Variants in PITRM1 observed in about 807,000 individuals in gnomAD.
PITRM1 encodes the protein pitrilysin metallopeptidase 1.
Under a neutral mutation model 129.9 loss-of-function variants are expected in PITRM1, and 100 were observed. That is an observed-to-expected ratio of 0.77 (90% confidence interval 0.65 to 0.91). The LOEUF (loss-of-function observed/expected upper bound fraction) is 0.91. Among genes scored for constraint, PITRM1 ranks in the 40% least tolerant of loss-of-function variants. PITRM1 has a pLI of 0.00. For missense variants in PITRM1, 1,471 were observed against 1,318.3 expected, an observed-to-expected ratio of 1.12 and a Z score of -1.79; for synonymous variants, 591 against 508.8, an observed-to-expected ratio of 1.16 and a Z score of -2.17.
At position 3,143,448 on chromosome 10, in the gene PITRM1, C is replaced by T. The variant is rs765340716; in HGVS notation, c.2586G>A (p.Pro862=). The change falls in exon 23 of 27, where the codon CCG becomes CCA. Residue 862 remains proline, a synonymous_variant. Coordinates refer to ENST00000224949, the MANE Select transcript of PITRM1 (RefSeq NM_014889.4). ...GGATGCATTCACCCACGTAATTCAC[C>T]GGGAAGGGCATCAGGAAGTGAGTCT... ...QMKTHFLMPF[P]VNYVGECIRT... is the part of the protein sequence containing the mutation. 2.5e-5 allele frequency: 40 copies of T among 1,613,728 alleles called. No homozygotes were observed. Among genetic ancestry groups the T allele is most frequent in the South Asian group, 8.8e-5 (8 of 91,088 alleles).
At chr10:3,163,625 G>T in intron 7 of PITRM1, 100 bp downstream of exon 7, 2 of 991,102 alleles carry the variant, frequency 2.0e-6, no homozygotes, top group Non-Finnish European at 3.0e-6. Flanking sequence ...TATTTCTTAA[G>T]CATTGCTAAA....
At position 3,166,360 on chromosome 10, in the gene PITRM1, G is replaced by A. The variant is rs779910056; in HGVS notation, c.287C>T (p.Pro96Leu). The change falls in exon 4 of 27, where the codon CCC (proline) becomes CTC (leucine). Residue 96 changes from proline to leucine, a missense_variant. Pro to Leu is a moderately conservative substitution (Grantham distance 98). Transcript: ENST00000224949. ...GTGAGGAACACCAGTACTGTCCATG[G>A]GAGTAGTACGGAACTGCACGCTAGG... ...NLFSVQFRTT[P>L]MDSTGVPHIL... The A allele has an allele frequency of 6.2e-7, 1 of 1,611,760 alleles. No homozygotes were observed. Among genetic ancestry groups the A allele is most frequent in the East Asian group, 2.2e-5 (1 of 44,854 alleles).
chr10:3,143,837 A>G (rs1840536816), intron 22 of PITRM1: 2 of 563,266 alleles, frequency 3.6e-6, no homozygotes, highest in South Asian at 3.1e-5. Flanking sequence ...TTTATATTTC[A>G]TATCATATTA....
At chr10:3,159,612 C>T (rs1842273115) in intron 9 of PITRM1, among the ~76,000 whole-genome samples, 1 of 152,200 alleles carries the variant, frequency 6.6e-6, no homozygotes, top group African/African-American at 2.4e-5. Flanking sequence ...CTTTGAAATA[C>T]AATAAGTAAA....
At chr10:3,144,209 G>C (rs1406487923) in intron 22 of PITRM1, 83 bp downstream of exon 22, 36 of 775,650 alleles carry the variant, frequency 4.6e-5, no homozygotes, top group East Asian at 3.5e-4. Flanking sequence ...GGCGGACGGA[G>C]GAACATTCGA....
chr10:3,148,455 C>T (rs926097166), intron 16 of PITRM1, 164 bp from the exon 17 acceptor site: 11 of 816,546 alleles, frequency 1.3e-5, no homozygotes, highest in East Asian at 2.7e-5. Context: ...CTCTGGCCTT[C>T]GCCCTCGAGA....
At chr10:3,138,719 G>C in intron 25 of PITRM1, 185 bp downstream of exon 25, 1 of 737,704 alleles carries the variant, frequency 1.4e-6, no homozygotes. Context: ...CAAATGACAG[G>C]ATGCACTCTT....
At chr10:3,153,402 A>G (rs1286498452) in intron 14 of PITRM1, among the ~76,000 whole-genome samples, 6 of 152,172 alleles carry the variant, frequency 3.9e-5, no homozygotes, top group African/African-American at 1.2e-4. Context: ...ATAAGGGGGG[A>G]AAAAGAGTAA....
At chr10:3,155,961 G>A (rs565192415) in intron 13 of PITRM1, among the ~76,000 whole-genome samples, 2 of 152,192 alleles carry the variant, frequency 1.3e-5, no homozygotes, top group Admixed American at 6.5e-5. Flanking sequence ...ATTCATATAT[G>A]CTGTTATTCT....
At position 3,147,801 on chromosome 10, in the gene PITRM1, G is replaced by T. The variant is rs1357914666; in HGVS notation, c.2070-64C>A. 60 of 1,445,440 alleles carry T rather than the reference G, an allele frequency of 4.2e-5. No individual in the cohort carries two copies. The South Asian group carries it at 7.4e-4, about 18-fold the overall frequency. The allele number at this position is 1,445,440 out of a possible 1,614,324, so 89.5% of individuals were successfully genotyped here. A position where few individuals can be genotyped will look rare whatever the true frequency, so the allele number is the denominator to read the frequency against. The stretch of plus-strand genomic sequence containing the variant: ...TTCCTCACGTCCCTTCAGTATCATG[G>T]AAAGTTGATTAAGTTTTCAGAGTAC... On this transcript the variant is annotated intron_variant, in intron 18 of 26. Transcript: ENST00000224949.
chr10:3,140,716 G>A lies in PITRM1; in HGVS notation c.2742C>T (p.His914=). 6.3e-7 allele frequency: 1 copy of A among 1,599,188 alleles called. No individual in the cohort carries two copies. The highest frequency in any genetic ancestry group is 8.5e-7 in the Non-Finnish European group (1 of 1,172,410). The part of the protein sequence containing the change: ...GAYGGGAKLS[H]NGIFTLYSYR... ...AAGAGTAAAGGGTGAAAATCCCATT[G>A]TGGCTGAGTTTTGCGCCTCCACCAT... Residue 914 remains histidine, a synonymous_variant, in exon 24 of 27, where the codon CAC becomes CAT. Coordinates refer to ENST00000224949, the MANE Select transcript of PITRM1 (RefSeq NM_014889.4).
intron 25 of PITRM1, 60 bp downstream of exon 25, chr10:3,138,844 A>C: frequency 6.4e-7 from 1 of 1,564,414 alleles, no homozygotes; most frequent in Non-Finnish European, 8.8e-7. Flanking sequence ...GGAACTTGGA[A>C]AACAGCAACG....
Position 3,166,391 on chromosome 10 carries a change from A to AGAGGAAGGGCACGCTAGGGAAGGC in PITRM1, c.267-12_267-11insGCCTTCCCTAGCGTGCCCTTCCTC. The AGAGGAAGGGCACGCTAGGGAAGGC allele has an allele frequency of 2.9e-6, 4 of 1,394,884 alleles. No homozygotes were observed. Among genetic ancestry groups the AGAGGAAGGGCACGCTAGGGAAGGC allele is most frequent in the Non-Finnish European group, 4.0e-6 (4 of 999,986 alleles). The allele number at this position is 1,394,884 out of a possible 1,614,324, so 86.4% of individuals were successfully genotyped here. On this transcript the variant is annotated splice_polypyrimidine_tract_variant and intron_variant, in intron 3 of 26. Coordinates refer to ENST00000224949, the MANE Select transcript of PITRM1 (RefSeq NM_014889.4). ...GTACGGAACTGCACGCTAGGGAAGG[A>AGAGGAAGGGCACGCTAGGGAAGGC]GAATGACCAGAACGCAAAAGGTTCA...
intron 2 of PITRM1, among the ~76,000 whole-genome samples, chr10:3,168,542 CAT>C (rs1164083388): frequency 6.6e-6 from 1 of 151,754 alleles, no homozygotes. Flanking sequence ...ATAATCCCCA[CAT>C]GTTGTGGGAG....
In PITRM1 at chr10:3,159,893, T is replaced by A. The variant is rs1204315660; in HGVS notation, c.962A>T (p.Asp321Val). Residue 321 changes from aspartate (D) to valine (V), a missense_variant, in exon 9 of 27, where the codon GAT becomes GTT. By Grantham distance (152) the Asp-to-Val change is radical (BLOSUM62 -3). Transcript: ENST00000224949. ...ITCGPDSFAT[D>V]PSKQTTISVS... ...GCTGATGGTTGTTTGTTTAGAGGGA[T>A]CTGTAGCAAATGAATCCGGGCCACA... is the stretch of plus-strand genomic sequence containing the variant. 1 of 1,606,034 alleles carries A rather than the reference T, an allele frequency of 6.2e-7. No individual in the cohort carries two copies. The highest frequency in any genetic ancestry group is 1.7e-5 in the Admixed American group (1 of 59,290).
chr10:3,162,199 A>C (rs991090575), intron 7 of PITRM1, among the ~76,000 whole-genome samples: 26 of 148,808 alleles, frequency 1.7e-4, no homozygotes, highest in African/African-American at 5.9e-4. Context: ...CTCTTCTGTC[A>C]CCATTAAAAG....
chr10:3,162,030 G>C (rs1400307079), intron 7 of PITRM1, among the ~76,000 whole-genome samples: 8 of 151,906 alleles, frequency 5.3e-5, no homozygotes, highest in Admixed American at 2.0e-4. Flanking sequence ...GCACTAGCTG[G>C]GCATGGTGGC....
intron 7 of PITRM1, chr10:3,163,197 C>A (rs1331490019): frequency 6.6e-6 from 1 of 152,110 alleles, no homozygotes; most frequent in African/African-American, 2.4e-5. Context: ...TATGTTTTTA[C>A]ATTAGCATTC....
At chr10:3,144,219 A>G (rs1840596862) in intron 22 of PITRM1, 73 bp downstream of exon 22, 1 of 832,460 alleles carries the variant, frequency 1.2e-6, no homozygotes, top group African/African-American at 1.7e-5. Context: ...GGAACATTCG[A>G]ACATCAGTGG....
Sources: gnomAD v4.1 joint callset for allele counts (sites outside exome capture counted in the v4.1 genomes callset) on GRCh38, gnomAD v4.1.1 for gene constraint, MANE v1.5 for transcripts, NCBI Gene and HGNC (gene_info 2026-07-23, HGNC 2026-07-21) for gene names.